CDH18: variants seen among roughly 807,000 people sequenced by gnomAD.
CDH18 encodes cadherin 18.
Under a neutral mutation model 67.9 loss-of-function variants are expected in CDH18, and 31 were observed. That is an observed-to-expected ratio of 0.46 (90% CI 0.34 to 0.62). The LOEUF (loss-of-function observed/expected upper bound fraction) is 0.62. CDH18 is among the 20% of genes least tolerant of loss of function. The pLI, the probability that CDH18 is intolerant of heterozygous loss-of-function variation, is 0.01. For missense variants in CDH18, 890 were observed against 975.5 expected (o/e 0.91, Z 1.17); for synonymous variants, 362 against 347.2 (o/e 1.04, Z -0.48).
intron 2 of CDH18, among the ~76,000 whole-genome samples, chr5:20,145,648 C>A (rs1374386703): frequency 2.0e-5 from 3 of 152,140 alleles, no homozygotes; most frequent in Non-Finnish European, 4.4e-5. Context: ...CAAGTAGATA[C>A]AAGTTGACAC....
At chr5:20,293,564 G>A (rs1747264177) in intron 1 of CDH18, among the ~76,000 whole-genome samples, 1 of 152,114 alleles carries the variant, frequency 6.6e-6, no homozygotes, top group African/African-American at 2.4e-5. Flanking sequence ...GGGGTATTTA[G>A]AATTTAATGT....
chr5:20,502,812 T>C (rs1238946135), intron 1 of CDH18, among the ~76,000 whole-genome samples: 2 of 152,124 alleles, frequency 1.3e-5, no homozygotes, highest in Non-Finnish European at 2.9e-5. Flanking sequence ...GGTTACTACA[T>C]TTATAAAGGA....
intron 10 of CDH18, among the ~76,000 whole-genome samples, chr5:19,506,780 T>G (rs1355051847): frequency 2.0e-5 from 3 of 152,036 alleles, no homozygotes; most frequent in African/African-American, 7.2e-5. Context: ...CTTAAATGTT[T>G]GACCTAAAAC....
chr5:20,441,110 C>T (rs1050986439), intron 1 of CDH18, among the ~76,000 whole-genome samples: 4 of 151,616 alleles, frequency 2.6e-5, no homozygotes, highest in East Asian at 3.9e-4. Context: ...AAATAGGGGC[C>T]GCCCAAGAAC....
chr5:19,680,839 C>G (rs957952986), intron 5 of CDH18, among the ~76,000 whole-genome samples: 2 of 151,922 alleles, frequency 1.3e-5, no homozygotes. Flanking sequence ...TTGGCCATTG[C>G]GGAAAGCAAT....
At chr5:19,849,743 CATATATATACACGCATATATATAAACAT>C (rs200479282) in intron 2 of CDH18, among the ~76,000 whole-genome samples, 28,530 of 54,198 alleles carry the variant, frequency 0.53, 5,925 homozygotes, top group South Asian at 0.64. Context: ...TATATATAAA[CATATATATACACGCATATATATAAACAT>C]ATATATATAT....
intron 1 of CDH18, among the ~76,000 whole-genome samples, chr5:20,382,483 G>A (rs984830611): frequency 2.6e-5 from 4 of 152,120 alleles, no homozygotes; most frequent in Admixed American, 2.6e-4. Context: ...AAGGGCCAGA[G>A]TCACTGTAGC....
At chr5:19,484,580 C>T (rs1179949941) in intron 11 of CDH18, among the ~76,000 whole-genome samples, 2 of 150,684 alleles carry the variant, frequency 1.3e-5, no homozygotes, top group African/African-American at 5.0e-5. Flanking sequence ...AGATTGCCAC[C>T]TGCCCCCAGG....
intron 1 of CDH18, among the ~76,000 whole-genome samples, chr5:20,526,908 A>G (rs1756102856): frequency 6.6e-6 from 1 of 152,076 alleles, no homozygotes; most frequent in Non-Finnish European, 1.5e-5. Context: ...AGGGCACAGA[A>G]CTGGGCTGAA....
intron 2 of CDH18, among the ~76,000 whole-genome samples, chr5:20,089,772 G>A (rs1210216397): frequency 6.6e-6 from 1 of 152,062 alleles, no homozygotes; most frequent in Non-Finnish European, 1.5e-5. Context: ...TGGATCCTAA[G>A]TATTTAGGCT....
At chr5:19,902,441 C>A (rs1790039565) in intron 2 of CDH18, among the ~76,000 whole-genome samples, 1 of 152,104 alleles carries the variant, frequency 6.6e-6, no homozygotes, top group South Asian at 2.1e-4. Flanking sequence ...GTGGAAGTGG[C>A]CTTACAGAGG....
chr5:20,134,470 T>C lies in CDH18; in HGVS notation c.-518+120974A>G, dbSNP rs568936915. On this transcript the variant is annotated intron_variant, in intron 2 of 14. Transcript: ENST00000507958. ...TTTAATTTCTAGCATTTTATTTTGA[T>C]TCACTTTCAGAATTTTAGTTTTTCT... Among the ~76,000 whole-genome samples, 107 of 152,288 alleles carry C rather than the reference T, an allele frequency of 7.0e-4. 1 individual carries two copies. Among genetic ancestry groups the C allele is most frequent in the Admixed American group, 1.8e-3 (27 of 15,286 alleles).
chr5:19,566,882 C>T (rs774488944), intron 8 of CDH18, among the ~76,000 whole-genome samples: 1 of 152,080 alleles, frequency 6.6e-6, no homozygotes, highest in Non-Finnish European at 1.5e-5. Flanking sequence ...TACATATGCA[C>T]AATACAGTAA....
At chr5:20,241,967 G>T (rs114063989) in intron 2 of CDH18, among the ~76,000 whole-genome samples, 1 of 149,752 alleles carries the variant, frequency 6.7e-6, no homozygotes, top group East Asian at 1.9e-4. Flanking sequence ...CTGATTTCTG[G>T]AAAAAATAGG....
chr5:20,296,459 C>T (rs903393947), intron 1 of CDH18, among the ~76,000 whole-genome samples: 4 of 151,782 alleles, frequency 2.6e-5, no homozygotes, highest in African/African-American at 9.7e-5. Flanking sequence ...GACGGGGTTT[C>T]ACCGTGTTAG....
At chr5:20,166,431 C>G (rs1218789643) in intron 2 of CDH18, among the ~76,000 whole-genome samples, 3 of 73,864 alleles carry the variant, frequency 4.1e-5, no homozygotes, top group African/African-American at 1.7e-4. Flanking sequence ...CAGAGTGAGA[C>G]TCTGTCTCAA....
intron 2 of CDH18, among the ~76,000 whole-genome samples, chr5:19,890,115 A>G (rs1788629247): frequency 1.3e-5 from 2 of 152,150 alleles, no homozygotes; most frequent in South Asian, 2.1e-4. Context: ...CTAACAAGCT[A>G]AATAGTCTTG....
rs1749296511 is a variant in CDH18, at chr5:19,613,287, T to C, written c.644-686A>G. Among the ~76,000 whole-genome samples, 3 of 152,198 alleles carry C rather than the reference T, an allele frequency of 2.0e-5. No individual in the cohort carries two copies. The South Asian group carries it at 6.2e-4, about 31-fold the overall frequency. ...TGGTCATATTGATTTAAGCAGAGGCTAATTTTCATCTTTATAGAACAATTT... is the reference window on the plus strand; with the variant it reads ...TGGTCATATTGATTTAAGCAGAGGCCAATTTTCATCTTTATAGAACAATTT... On this transcript the variant is annotated intron_variant, in intron 5 of 12. Coordinates refer to ENST00000382275, the MANE Select transcript of CDH18 (RefSeq NM_004934.5).
At chr5:19,555,625 G>T (rs1197208313) in intron 8 of CDH18, among the ~76,000 whole-genome samples, 2 of 152,176 alleles carry the variant, frequency 1.3e-5, no homozygotes, top group East Asian at 1.9e-4. Context: ...AGCAAGACCT[G>T]CCAAAGTCTG....
Sources: allele counts gnomAD v4.1 joint callset (sites outside exome capture counted in the v4.1 genomes callset), GRCh38; gene constraint gnomAD v4.1.1; transcripts MANE v1.5; gene names NCBI Gene and HGNC (gene_info 2026-07-23, HGNC 2026-07-21).